Variants in CSMD3 observed in about 807,000 individuals in gnomAD.
CSMD3 encodes CUB and Sushi multiple domains 3, also known as CUB and sushi domain-containing protein 3.
A neutral mutation model predicts 435.2 loss-of-function variants in CSMD3; 177 were observed. That is an observed-to-expected ratio of 0.41 (90% CI 0.36 to 0.46). The LOEUF (loss-of-function observed/expected upper bound fraction) is 0.46, where lower values mean the gene tolerates loss of function less well. CSMD3 is among the 20% of genes least tolerant of loss of function. CSMD3 has a pLI of 0.34. For missense variants in CSMD3, 4,265 were observed against 4,504.6 expected (o/e 0.95, Z 1.52); for synonymous variants, 1,656 against 1,520.5 (o/e 1.09, Z -2.07).
chr8:112,360,269 G>T (rs1021969046), intron 38 of CSMD3, among the ~76,000 whole-genome samples: 1 of 151,720 alleles, frequency 6.6e-6, no homozygotes. Flanking sequence ...ACTCTATTCA[G>T]GGTCATATAT....
chr8:112,791,624 T>C (rs1389277558), intron 13 of CSMD3, among the ~76,000 whole-genome samples: 1 of 152,124 alleles, frequency 6.6e-6, no homozygotes, highest in East Asian at 1.9e-4. Context: ...TTTTGTTATA[T>C]ACTCACCTAT....
intron 1 of CSMD3, among the ~76,000 whole-genome samples, chr8:113,336,149 T>G (rs947252223): frequency 1.3e-5 from 2 of 152,132 alleles, no homozygotes; most frequent in Non-Finnish European, 2.9e-5. Flanking sequence ...GTAATTTATT[T>G]TCTGTCTTCA....
chr8:112,821,781 G>T (rs1334047252), intron 12 of CSMD3, among the ~76,000 whole-genome samples: 1 of 151,906 alleles, frequency 6.6e-6, no homozygotes, highest in Admixed American at 6.6e-5. Flanking sequence ...TTATGGTTTT[G>T]GGTTTTACAT....
intron 47 of CSMD3, among the ~76,000 whole-genome samples, chr8:112,315,541 T>C (rs768597403): frequency 6.6e-6 from 1 of 151,868 alleles, no homozygotes; most frequent in African/African-American, 2.4e-5. Context: ...GTATGGTCCA[T>C]TGTGCAGAAG....
intron 1 of CSMD3, among the ~76,000 whole-genome samples, chr8:113,421,709 T>A (rs1054489722): frequency 6.6e-6 from 1 of 152,116 alleles, no homozygotes; most frequent in Non-Finnish European, 1.5e-5. Flanking sequence ...CCTCTATTTT[T>A]CACCAAGCAC....
intron 68 of CSMD3, among the ~76,000 whole-genome samples, chr8:112,232,832 C>G (rs776568869): frequency 6.6e-5 from 10 of 152,078 alleles, no homozygotes; most frequent in Non-Finnish European, 1.5e-4. Context: ...TTTTGGACTT[C>G]TGACAAGAGA....
chr8:113,354,657 T>C (rs2094210151), intron 1 of CSMD3, among the ~76,000 whole-genome samples: 1 of 152,214 alleles, frequency 6.6e-6, no homozygotes, highest in Non-Finnish European at 1.5e-5. Context: ...TGTTTTTTCT[T>C]GAAACGGAGT....
intron 27 of CSMD3, among the ~76,000 whole-genome samples, chr8:112,549,728 G>C (rs1827509756): frequency 6.6e-6 from 1 of 151,892 alleles, no homozygotes; most frequent in African/African-American, 2.4e-5. Flanking sequence ...ACATGATTCT[G>C]TTAGATTTAA....
At chr8:112,541,694 T>C (rs774726525) in intron 27 of CSMD3, among the ~76,000 whole-genome samples, 1 of 151,860 alleles carries the variant, frequency 6.6e-6, no homozygotes, top group East Asian at 1.9e-4. Context: ...TTAATTTCTA[T>C]CCTTCTCAAA....
At chr8:113,139,372 G>A (rs142908646) in intron 4 of CSMD3, among the ~76,000 whole-genome samples, 3 of 151,076 alleles carry the variant, frequency 2.0e-5, no homozygotes, top group African/African-American at 7.2e-5. Context: ...TATATGTACA[G>A]AAGAAATTTA....
intron 7 of CSMD3, among the ~76,000 whole-genome samples, chr8:112,961,064 T>C (rs1030325346): frequency 4.0e-5 from 6 of 151,782 alleles, no homozygotes; most frequent in Non-Finnish European, 8.9e-5. Flanking sequence ...AATTTTACTA[T>C]TGTGCTTAAA....
chr8:112,888,487 A>G (rs144833065), intron 10 of CSMD3, among the ~76,000 whole-genome samples: 87 of 151,722 alleles, frequency 5.7e-4, no homozygotes, highest in Middle Eastern at 3.4e-3. Context: ...AGGAGCAGCA[A>G]TGGGGAACAG....
intron 27 of CSMD3, among the ~76,000 whole-genome samples, chr8:112,525,503 G>A (rs1041189259): frequency 6.7e-6 from 1 of 149,474 alleles, no homozygotes; most frequent in Non-Finnish European, 1.5e-5. Flanking sequence ...GGCGGATCAC[G>A]AGGTCAGGAA....
intron 11 of CSMD3, among the ~76,000 whole-genome samples, chr8:112,840,361 A>C (rs1268823176): frequency 6.6e-6 from 1 of 151,658 alleles, no homozygotes; most frequent in African/African-American, 2.4e-5. Context: ...GTCCTCTCCA[A>C]TTTCTTTAAT....
intron 12 of CSMD3, among the ~76,000 whole-genome samples, chr8:112,800,824 TATGCTGCAAATCTG>T (rs1170040616): frequency 9.9e-5 from 15 of 152,074 alleles, no homozygotes; most frequent in African/African-American, 3.4e-4. Flanking sequence ...TTTAAAGAAA[TATGCTGCAAATCTG>T]ATGCAGCATA....
chr8:112,923,864 T>C (rs2082824198), intron 9 of CSMD3, among the ~76,000 whole-genome samples: 1 of 152,186 alleles, frequency 6.6e-6, no homozygotes, highest in Non-Finnish European at 1.5e-5. Flanking sequence ...CTCAGATATG[T>C]CCTTATCCCT....
intron 7 of CSMD3, among the ~76,000 whole-genome samples, chr8:112,970,648 C>G (rs1045416479): frequency 1.3e-5 from 2 of 151,654 alleles, no homozygotes; most frequent in Non-Finnish European, 2.9e-5. Context: ...AATACCCACT[C>G]AAACCATTTT....
chr8:112,483,732 T>A (rs757202685), intron 31 of CSMD3, among the ~76,000 whole-genome samples: 1 of 152,132 alleles, frequency 6.6e-6, no homozygotes, highest in Non-Finnish European at 1.5e-5. Context: ...CTCATCAATC[T>A]CAGGAGGATA....
chr8:112,292,402 C>A, intron 55 of CSMD3, 135 bp downstream of exon 55: 1 of 732,942 alleles, frequency 1.4e-6, no homozygotes, highest in South Asian at 1.7e-5. Flanking sequence ...AATGAGATGA[C>A]ATCAGTATTA....
Sources: gnomAD v4.1 joint callset for allele counts (sites outside exome capture counted in the v4.1 genomes callset) on GRCh38, gnomAD v4.1.1 for gene constraint, MANE v1.5 for transcripts, NCBI Gene and HGNC (gene_info 2026-07-23, HGNC 2026-07-21) for gene names.